MGAM2: variants seen among roughly 807,000 people sequenced by gnomAD.
MGAM2 encodes the protein maltase-glucoamylase 2 (putative), also known as probable maltase-glucoamylase 2.
Under a neutral mutation model 96.1 loss-of-function variants are expected in MGAM2, and 98 were observed. The observed-to-expected ratio is 1.02, with a 90% CI of 0.87 to 1.21. The LOEUF (loss-of-function observed/expected upper bound fraction) is 1.21, where lower values mean the gene tolerates loss of function less well. Ranked by LOEUF, MGAM2 falls within the 50% of genes most tolerant of loss-of-function variation. The pLI, the probability that MGAM2 is intolerant of heterozygous loss-of-function variation, is 0.00. For missense variants in MGAM2, 2,055 were observed against 1,182.4 expected, an observed-to-expected ratio of 1.74 and a Z score of -10.82; for synonymous variants, 749 against 414.8, an observed-to-expected ratio of 1.81 and a Z score of -9.79.
At chr7:142,182,560 A>G (rs1272476114) in intron 32 of MGAM2, among the ~76,000 whole-genome samples, 4 of 152,198 alleles carry the variant, frequency 2.6e-5, no homozygotes, top group African/African-American at 9.6e-5. Context: ...GTCTCCGCAC[A>G]GGCTTGAGCT....
At chr7:142,166,796 C>T (rs1444078698) in intron 25 of MGAM2, among the ~76,000 whole-genome samples, 1 of 152,134 alleles carries the variant, frequency 6.6e-6, no homozygotes, top group Non-Finnish European at 1.5e-5. Context: ...CTAGGGTTAC[C>T]ATAACAGAGT....
intron 7 of MGAM2, among the ~76,000 whole-genome samples, chr7:142,135,776 C>G (rs1795041268): frequency 6.9e-6 from 1 of 145,960 alleles, no homozygotes; most frequent in South Asian, 2.2e-4. Flanking sequence ...TAGGTCAGTG[C>G]TCATCACAGC....
At chr7:142,165,136 G>A (rs916372327) in intron 24 of MGAM2, 113 bp downstream of exon 24, 15 of 535,674 alleles carry the variant, frequency 2.8e-5, no homozygotes, top group Admixed American at 1.4e-4. Flanking sequence ...TTGCTGGGAG[G>A]TCCAACACAT....
At chr7:142,160,368 C>T in intron 21 of MGAM2, 110 bp downstream of exon 21, 1 of 570,142 alleles carries the variant, frequency 1.8e-6, no homozygotes, top group Non-Finnish European at 3.1e-6. Flanking sequence ...GATAAGTCAC[C>T]CATCAGTAAT....
chr7:142,191,318 C>A (rs549645708), intron 37 of MGAM2, among the ~76,000 whole-genome samples: 20 of 152,092 alleles, frequency 1.3e-4, no homozygotes, highest in Middle Eastern at 3.4e-3. Flanking sequence ...CTTACTTATT[C>A]ATTTGTCACT....
intron 17 of MGAM2, among the ~76,000 whole-genome samples, chr7:142,156,451 GA>G (rs1795740691): frequency 6.6e-6 from 1 of 151,924 alleles, no homozygotes; most frequent in Admixed American, 6.6e-5. Context: ...TGGTTTAATG[GA>G]AAAAAAATTT....
intron 46 of MGAM2, among the ~76,000 whole-genome samples, chr7:142,211,147 TC>T (rs765053302): frequency 2.6e-5 from 4 of 151,868 alleles, no homozygotes; most frequent in African/African-American, 4.8e-5. Context: ...AGCATCAACA[TC>T]AACAAAAAGG....
chr7:142,167,835 G>C (rs1796074084), intron 26 of MGAM2, among the ~76,000 whole-genome samples: 1 of 152,082 alleles, frequency 6.6e-6, no homozygotes, highest in Non-Finnish European at 1.5e-5. Flanking sequence ...GCCTCCCAAA[G>C]TGCTGGGGTT....
At chr7:142,158,381 T>C (rs192138521) in intron 19 of MGAM2, 49 bp downstream of exon 19, 8 of 702,242 alleles carry the variant, frequency 1.1e-5, no homozygotes, top group African/African-American at 3.5e-5. Context: ...CTTGTCCTCA[T>C]GGTTCTATAG....
intron 37 of MGAM2, among the ~76,000 whole-genome samples, chr7:142,192,898 G>A (rs974649721): frequency 9.2e-5 from 14 of 151,960 alleles, no homozygotes; most frequent in Non-Finnish European, 1.8e-4. Context: ...CTTTCAAATT[G>A]GAAAAATCAT....
At chr7:142,174,911 G>T (rs1054501848) in intron 31 of MGAM2, among the ~76,000 whole-genome samples, 1 of 151,758 alleles carries the variant, frequency 6.6e-6, no homozygotes, top group African/African-American at 2.4e-5. Flanking sequence ...TAGGGACGGG[G>T]TTTCACTGTA....
intron 45 of MGAM2, 26 bp from the exon 46 acceptor site, chr7:142,208,547 T>G: frequency 2.9e-6 from 2 of 701,526 alleles, no homozygotes; most frequent in Non-Finnish European, 5.2e-6. Flanking sequence ...AGTAGTTGCT[T>G]ATTCTTTTCT....
chr7:142,209,770 G>C (rs1184873298), intron 46 of MGAM2, among the ~76,000 whole-genome samples: 2 of 152,132 alleles, frequency 1.3e-5, no homozygotes, highest in Non-Finnish European at 1.5e-5. Context: ...TAAAACATCA[G>C]AACCGAGAGC....
chr7:142,211,453 T>A lies in MGAM2; in HGVS notation c.5187+2831T>A, dbSNP rs28796870. On this transcript the variant is annotated intron_variant, in intron 46 of 47. Transcript: ENST00000477922. ...GAAGCTAAGAACCTTGATAAAAGGT[T>A]AGAGGAATTGCTAACTAGAATAACC... 3.0e-3 allele frequency among the ~76,000 whole-genome samples: 460 copies of A among 152,242 alleles called. 4 individuals carry two copies. The highest frequency in any genetic ancestry group is 0.01 in the African/African-American group (432 of 41,554).
chr7:142,211,558 T>C (rs1406607178), intron 46 of MGAM2, among the ~76,000 whole-genome samples: 1 of 152,032 alleles, frequency 6.6e-6, no homozygotes, highest in Non-Finnish European at 1.5e-5. Context: ...CAAGTATCAA[T>C]CACTGAATAG....
In MGAM2 at chr7:142,167,322, G is replaced by A; in HGVS notation, c.2863G>A (p.Val955Ile). 1.4e-6 allele frequency: 1 copy of A among 702,726 alleles called. No homozygotes were observed. The allele number at this position is 702,726 out of a possible 1,614,324, so 43.5% of individuals were successfully genotyped here. Residue 955 changes from valine to isoleucine, a missense_variant, in exon 26 of 48, where the codon GTT becomes ATT. Val to Ile is a conservative substitution (Grantham distance 29). Transcript: ENST00000477922. ...TCYYDTIPNY[V>I]ASDIQYLNTS... Reference sequence around the variant, plus strand: ...TTACTATGACACCATCCCTAATTATGTTGCTAGTGATATTCAGTACCTGAA... The same window carrying A: ...TTACTATGACACCATCCCTAATTATATTGCTAGTGATATTCAGTACCTGAA...
intron 34 of MGAM2, 94 bp from the exon 35 acceptor site, chr7:142,185,895 G>A: frequency 1.6e-6 from 1 of 633,358 alleles, no homozygotes; most frequent in Middle Eastern, 3.9e-4. Flanking sequence ...AGCAGAGACT[G>A]ATCTGGGCAG....
Position 142,189,504 on chromosome 7 carries a change from G to A in MGAM2, c.4345G>A (p.Glu1449Lys), listed in dbSNP as rs1310780191. 10 of 814,212 alleles carry A rather than the reference G, an allele frequency of 1.2e-5. No individual in the cohort carries two copies. The highest frequency in any genetic ancestry group is 4.8e-5 in the Admixed American group (2 of 41,330). 50.4% of individuals were successfully genotyped at this position (814,212 alleles called of 1,614,324 possible). A position where few individuals can be genotyped will look rare whatever the true frequency, so the allele number is the denominator to read the frequency against. The change falls in exon 37 of 48, where the codon GAA (glutamate) becomes AAA (lysine). Residue 1449 changes from glutamate to lysine, a missense_variant and splice_region_variant. Transcript: ENST00000477922. ...YGWSQTRPTY[E>K]AVQEVTGQRG... ...GTGGTCCCAGACCAGACCCACATAC[G>A]AGTGAGTGTCTTTTTGTCACAGCAG...
chr7:142,194,954 A>T (rs146590211), intron 37 of MGAM2, among the ~76,000 whole-genome samples: 93 of 152,198 alleles, frequency 6.1e-4, no homozygotes, highest in South Asian at 3.1e-3. Context: ...TCCCTCACAC[A>T]GTTGTTGTTA....
Sources: allele counts gnomAD v4.1 joint callset (sites outside exome capture counted in the v4.1 genomes callset), GRCh38; gene constraint gnomAD v4.1.1; transcripts MANE v1.5; gene names NCBI Gene and HGNC (gene_info 2026-07-23, HGNC 2026-07-21).